The following MYOM1 variants were observed in gnomAD, a reference collection of about 807,000 sequenced individuals.
MYOM1 encodes the protein myomesin-1.
MYOM1 carries 164 observed loss-of-function variants against 205.3 expected under a neutral mutation model. The observed-to-expected ratio is 0.80, with a 90% CI of 0.70 to 0.91. The LOEUF (loss-of-function observed/expected upper bound fraction) is 0.91. Ranked by LOEUF, MYOM1 falls within the 40% of genes least tolerant of loss-of-function variation. The probability of loss-of-function intolerance (pLI) is 0.00; values close to 1 mark genes in which losing one functional copy is unlikely to be tolerated. For missense variants in MYOM1, 2,011 were observed against 2,127.3 expected, an observed-to-expected ratio of 0.95 and a Z score of 1.08; for synonymous variants, 772 against 789.4, an observed-to-expected ratio of 0.98 and a Z score of 0.37.
chr18:3,108,840 A>G (rs948968760), intron 22 of MYOM1, among the ~76,000 whole-genome samples: 1 of 152,104 alleles, frequency 6.6e-6, no homozygotes, highest in South Asian at 2.1e-4. Flanking sequence ...TGTCCGGCCA[A>G]TGACAGCATT....
intron 2 of MYOM1, among the ~76,000 whole-genome samples, chr18:3,195,738 C>T (rs1332260248): frequency 6.6e-6 from 1 of 152,066 alleles, no homozygotes; most frequent in Admixed American, 6.5e-5. Flanking sequence ...TGCATTGCTC[C>T]TTTTTCTGTC....
intron 5 of MYOM1, among the ~76,000 whole-genome samples, chr18:3,186,053 A>G (rs1309697323): frequency 6.6e-6 from 1 of 152,090 alleles, no homozygotes; most frequent in African/African-American, 2.4e-5. Flanking sequence ...AAAATCAGCC[A>G]GGTGTGGTGG....
At chr18:3,101,130 T>A (rs2079370118) in intron 23 of MYOM1, among the ~76,000 whole-genome samples, 1 of 152,234 alleles carries the variant, frequency 6.6e-6, no homozygotes, top group Admixed American at 6.5e-5. Flanking sequence ...GCAAATGTGT[T>A]TTATGTCAAG....
chr18:3,161,241 A>G (rs2080386776), intron 10 of MYOM1, among the ~76,000 whole-genome samples: 1 of 152,178 alleles, frequency 6.6e-6, no homozygotes, highest in Non-Finnish European at 1.5e-5. Flanking sequence ...TGCTTTTCAG[A>G]TGTTTAGATA....
chr18:3,210,223 A>T (rs964661982), intron 2 of MYOM1, among the ~76,000 whole-genome samples: 9 of 152,240 alleles, frequency 5.9e-5, no homozygotes, highest in African/African-American at 2.2e-4. Flanking sequence ...GAGATGGAAC[A>T]AGCTTTCAAG....
At chr18:3,074,391 TC>T (rs2078997292) in intron 36 of MYOM1, among the ~76,000 whole-genome samples, 1 of 152,180 alleles carries the variant, frequency 6.6e-6, no homozygotes. Context: ...AAGGATGACT[TC>T]CCTTCTTGCT....
At chr18:3,094,524 G>A (rs1490395321) in intron 25 of MYOM1, among the ~76,000 whole-genome samples, 9 of 152,168 alleles carry the variant, frequency 5.9e-5, no homozygotes, top group Admixed American at 5.9e-4. Flanking sequence ...CTTGGAGCAA[G>A]TTGTTCATTC....
At chr18:3,105,021 T>C (rs570395518) in intron 22 of MYOM1, among the ~76,000 whole-genome samples, 29 of 152,210 alleles carry the variant, frequency 1.9e-4, no homozygotes, top group African/African-American at 7.0e-4. Context: ...AGTGCTGGGA[T>C]TACAGACATG....
Position 3,067,528 on chromosome 18 carries a change from C to T in MYOM1, c.4792G>A (p.Gly1598Arg), listed in dbSNP as rs764839969. The T allele has an allele frequency of 1.7e-4, 274 of 1,613,652 alleles. No homozygotes were observed. Among genetic ancestry groups the T allele is most frequent in the South Asian group, 7.9e-4 (72 of 91,074 alleles). ...CACGACACCTCCGGAGGCGGGTCTCCCCACACGTTGCAAGTGAGATTAAGG... is the reference window on the plus strand; with the variant it reads ...CACGACACCTCCGGAGGCGGGTCTCTCCACACGTTGCAAGTGAGATTAAGG... Reference protein sequence around the residue: ...KALNLTCNVWGDPPPEVSWLK... With the variant: ...KALNLTCNVWRDPPPEVSWLK... The change falls in exon 38 of 38, where the codon GGA becomes AGA. Residue 1598 changes from glycine (G) to arginine (R), a missense_variant. Gly to Arg is a moderately radical substitution (Grantham distance 125, BLOSUM62 -2). Transcript: ENST00000356443.
chr18:3,097,969 A>G (rs1417377664), intron 25 of MYOM1, among the ~76,000 whole-genome samples: 1 of 152,164 alleles, frequency 6.6e-6, no homozygotes, highest in African/African-American at 2.4e-5. Context: ...CAAAAGTGAC[A>G]CCCCATCTTC....
chr18:3,195,781 G>A (rs751796897), intron 2 of MYOM1, among the ~76,000 whole-genome samples: 3 of 151,672 alleles, frequency 2.0e-5, no homozygotes, highest in Non-Finnish European at 4.4e-5. Flanking sequence ...TTAAAATAAT[G>A]CATTTATTAC....
At chr18:3,231,847 CTTTTTT>C in the MYOM1 span, among the ~76,000 whole-genome samples, 2 of 123,796 alleles carry the variant, frequency 1.6e-5, no homozygotes, top group African/African-American at 3.1e-5. Context: ...CAGCCGCATC[CTTTTTT>C]TTTTTTTTTT....
chr18:3,081,609 T>G (rs576629022), intron 33 of MYOM1, among the ~76,000 whole-genome samples: 1 of 152,220 alleles, frequency 6.6e-6, no homozygotes, highest in Non-Finnish European at 1.5e-5. Context: ...TGATTGATGA[T>G]TCAATGAATT....
intron 16 of MYOM1, among the ~76,000 whole-genome samples, chr18:3,133,261 G>A (rs1178495447): frequency 6.6e-6 from 1 of 151,992 alleles, no homozygotes; most frequent in Non-Finnish European, 1.5e-5. Flanking sequence ...CTCACGTTCC[G>A]CAAAACCAAC....
intron 17 of MYOM1, among the ~76,000 whole-genome samples, chr18:3,130,399 T>G (rs2079858208): frequency 6.6e-6 from 1 of 152,176 alleles, no homozygotes; most frequent in South Asian, 2.1e-4. Context: ...AGACAATCAA[T>G]ATTAAATCAG....
At chr18:3,097,783 T>C (rs1433146886) in intron 25 of MYOM1, among the ~76,000 whole-genome samples, 1 of 152,198 alleles carries the variant, frequency 6.6e-6, no homozygotes, top group African/African-American at 2.4e-5. Context: ...AAAGGATAAC[T>C]GAGTTTGCTG....
chr18:3,181,732 ATTTT>A (rs11448786), intron 5 of MYOM1, among the ~76,000 whole-genome samples: 3 of 127,082 alleles, frequency 2.4e-5, no homozygotes, highest in Non-Finnish European at 1.6e-5. Context: ...AAACTGAATA[ATTTT>A]TTTTTTTTTT....
intron 3 of MYOM1, among the ~76,000 whole-genome samples, chr18:3,191,838 G>A (rs1271026515): frequency 6.6e-6 from 1 of 151,968 alleles, no homozygotes; most frequent in East Asian, 1.9e-4. Context: ...TGGGACTACA[G>A]GTGCCCGCCA....
At chr18:3,159,772 C>T (rs764040368) in intron 10 of MYOM1, among the ~76,000 whole-genome samples, 1 of 152,134 alleles carries the variant, frequency 6.6e-6, no homozygotes. Context: ...GACAAATCTA[C>T]AGAGATAGAA....
Sources: gnomAD v4.1 joint callset for allele counts (sites outside exome capture counted in the v4.1 genomes callset) on GRCh38, gnomAD v4.1.1 for gene constraint, MANE v1.5 for transcripts, NCBI Gene and HGNC (gene_info 2026-07-23, HGNC 2026-07-21) for gene names.